Variants in COL5A1 observed in about 807,000 individuals in gnomAD.
COL5A1 encodes the protein collagen alpha-1(V) chain.
COL5A1 carries 16 observed loss-of-function variants against 263.7 expected under a neutral mutation model. The ratio of observed to expected loss-of-function variants is 0.06; its 90% CI spans 0.04 to 0.09. COL5A1 has a LOEUF of 0.09. Among genes scored for constraint, COL5A1 ranks in the 10% least tolerant of loss-of-function variants. The probability of loss-of-function intolerance (pLI) is 1.00; values close to 1 mark genes in which losing one functional copy is unlikely to be tolerated. For missense variants in COL5A1, 2,036 were observed against 2,540.5 expected (o/e 0.80, Z 4.27); for synonymous variants, 1,012 against 1,004.5 (o/e 1.01, Z -0.14).
intron 4 of COL5A1, among the ~76,000 whole-genome samples, chr9:134,715,896 A>G (rs1037996650): frequency 2.0e-5 from 3 of 151,986 alleles, no homozygotes; most frequent in Non-Finnish European, 4.4e-5. Flanking sequence ...TTTCCCCACA[A>G]TTCTGGTGAA....
intron 4 of COL5A1, among the ~76,000 whole-genome samples, chr9:134,715,487 G>A (rs746580415): frequency 6.6e-6 from 1 of 152,144 alleles, no homozygotes; most frequent in Non-Finnish European, 1.5e-5. Context: ...GTGTCAGTCT[G>A]GGGGATGGTC....
chr9:134,780,978 C>CG (rs1837229576), intron 28 of COL5A1, among the ~76,000 whole-genome samples: 1 of 152,270 alleles, frequency 6.6e-6, no homozygotes, highest in Admixed American at 6.5e-5. Flanking sequence ...GTCCCCTTTG[C>CG]TGGGCAGACT....
chr9:134,730,597 G>C (rs999090675), intron 7 of COL5A1, 122 bp downstream of exon 7: 7 of 1,383,356 alleles, frequency 5.1e-6, no homozygotes, highest in African/African-American at 1.4e-5. Flanking sequence ...GGTGGCCCCT[G>C]TGTTCCACCA....
At chr9:134,804,010 A>T (rs115081575) in intron 39 of COL5A1, among the ~76,000 whole-genome samples, 1 of 152,160 alleles carries the variant, frequency 6.6e-6, no homozygotes, top group Non-Finnish European at 1.5e-5. Flanking sequence ...CTGTGTTAGC[A>T]CAAAAATAGC....
Position 134,681,007 on chromosome 9 carries a change from C to T in COL5A1, c.110-9905C>T, listed in dbSNP as rs905104449. On this transcript the variant is annotated intron_variant, in intron 1 of 65. Coordinates refer to ENST00000371817, the MANE Select transcript of COL5A1 (RefSeq NM_000093.5). This position sits in a 1 kb window ranked among gnomAD's most constrained non-coding sequence, Gnocchi z 4.3. ...AGGATGGTGTCCTCGGCCTGTGCTGCAGCCCCAGGCCCTCTGTGCATTTCC... is the reference window on the plus strand; with the variant it reads ...AGGATGGTGTCCTCGGCCTGTGCTGTAGCCCCAGGCCCTCTGTGCATTTCC... Among the ~76,000 whole-genome samples, 2 of 152,174 alleles carry T rather than the reference C, an allele frequency of 1.3e-5. No individual in the cohort carries two copies. Among genetic ancestry groups the T allele is most frequent in the Non-Finnish European group, 2.9e-5 (2 of 68,014 alleles).
chr9:134,778,803 T>A (rs1837147882), intron 27 of COL5A1, among the ~76,000 whole-genome samples: 1 of 152,232 alleles, frequency 6.6e-6, no homozygotes, highest in African/African-American at 2.4e-5. Context: ...TTGTCTCCGG[T>A]GCTCCAAATC....
intron 42 of COL5A1, among the ~76,000 whole-genome samples, chr9:134,808,535 C>A (rs1448578117): frequency 6.6e-6 from 1 of 152,048 alleles, no homozygotes; most frequent in Non-Finnish European, 1.5e-5. Flanking sequence ...CTTTATATGT[C>A]CTTGTGTGTA....
At chr9:134,709,850 CG>C (rs1288353483) in intron 4 of COL5A1, among the ~76,000 whole-genome samples, 2 of 152,142 alleles carry the variant, frequency 1.3e-5, no homozygotes, top group Non-Finnish European at 2.9e-5. Context: ...TGGGAAGGGA[CG>C]CATGATGCTG....
intron 19 of COL5A1, among the ~76,000 whole-genome samples, chr9:134,763,020 A>G (rs1331953522): frequency 2.0e-5 from 3 of 152,194 alleles, no homozygotes; most frequent in South Asian, 4.1e-4. Context: ...ATGCATGTGC[A>G]TGCACAGGGT....
intron 4 of COL5A1, among the ~76,000 whole-genome samples, chr9:134,720,761 T>G (rs1398367629): frequency 1.3e-5 from 2 of 152,104 alleles, no homozygotes; most frequent in East Asian, 3.9e-4. Flanking sequence ...GCCTGGCTGG[T>G]AGGTGGCTGG....
chr9:134,783,505 A>G (rs1045156475), intron 29 of COL5A1, among the ~76,000 whole-genome samples: 1 of 152,130 alleles, frequency 6.6e-6, no homozygotes, highest in Non-Finnish European at 1.5e-5. Context: ...CCTCTCAGCG[A>G]GCAGAAGCCC....
chr9:134,751,784 T>G (rs1158447001), intron 13 of COL5A1, among the ~76,000 whole-genome samples: 1 of 152,206 alleles, frequency 6.6e-6, no homozygotes, highest in African/African-American at 2.4e-5. Context: ...ATCAGAGTGC[T>G]TAGGTAATTA....
At chr9:134,722,619 G>C (rs11103481) in intron 4 of COL5A1, among the ~76,000 whole-genome samples, 1 of 152,256 alleles carries the variant, frequency 6.6e-6, no homozygotes, top group Non-Finnish European at 1.5e-5. Flanking sequence ...CTTCTTTGAA[G>C]TGCCTTTGGA....
chr9:134,793,386 G>GT (rs201551286), intron 32 of COL5A1, among the ~76,000 whole-genome samples: 14 of 151,756 alleles, frequency 9.2e-5, no homozygotes, highest in Admixed American at 3.9e-4. Context: ...AAGGAGGCTG[G>GT]GGGGGGCATT....
intron 1 of COL5A1, among the ~76,000 whole-genome samples, chr9:134,679,530 G>C (rs1832781683): frequency 1.3e-5 from 1 of 78,114 alleles, no homozygotes; most frequent in African/African-American, 6.2e-5. Context: ...TGCAGGGCTG[G>C]TTGGGGGCAC....
At chr9:134,779,172 C>T (rs1323856629) in intron 27 of COL5A1, among the ~76,000 whole-genome samples, 2 of 152,262 alleles carry the variant, frequency 1.3e-5, no homozygotes, top group Non-Finnish European at 2.9e-5. Flanking sequence ...GCTTCTCTCT[C>T]TCTCTCAAGT....
chr9:134,748,183 T>C (rs1349560603), intron 11 of COL5A1, among the ~76,000 whole-genome samples: 1 of 149,298 alleles, frequency 6.7e-6, no homozygotes, highest in Non-Finnish European at 1.5e-5. Flanking sequence ...CATGCATTCA[T>C]GCATACATTC....
At chr9:134,752,812 C>T (rs984665530) in intron 14 of COL5A1, among the ~76,000 whole-genome samples, 167 bp downstream of exon 14, 30 of 152,008 alleles carry the variant, frequency 2.0e-4, no homozygotes, top group Admixed American at 9.8e-4. Flanking sequence ...GGGCCTCTCT[C>T]GGTGCTGCTC....
intron 1 of COL5A1, among the ~76,000 whole-genome samples, chr9:134,671,323 A>G (rs1462056538): frequency 1.3e-5 from 2 of 152,110 alleles, no homozygotes; most frequent in East Asian, 1.9e-4. Flanking sequence ...CCAGTGCACC[A>G]ATGTGTGGTG....
Sources: allele counts gnomAD v4.1 joint callset (sites outside exome capture counted in the v4.1 genomes callset), GRCh38; gene constraint gnomAD v4.1.1; non-coding constraint Gnocchi (gnomAD v3.1); transcripts MANE v1.5; gene names NCBI Gene and HGNC (gene_info 2026-07-23, HGNC 2026-07-21).